The following RYK variants were observed in gnomAD, a reference collection of about 807,000 sequenced individuals.
RYK encodes the protein receptor like tyrosine kinase.
A neutral mutation model predicts 70.2 loss-of-function variants in RYK; 21 were observed. That is an observed-to-expected ratio of 0.30 (90% CI 0.21 to 0.43). The LOEUF is 0.43. Among genes scored for constraint, RYK ranks in the 20% least tolerant of loss-of-function variants. The probability of loss-of-function intolerance (pLI) is 1.00; values close to 1 mark genes in which losing one functional copy is unlikely to be tolerated. For missense variants in RYK, 604 were observed against 753.3 expected (o/e 0.80, Z 2.32); for synonymous variants, 267 against 278.0 (o/e 0.96, Z 0.39).
At position 134,250,472 on chromosome 3, in the gene RYK, C is replaced by T; in HGVS notation, c.183G>A (p.Gly61=). ...CGCTCAGGTAGAGACTCACGCTGGG[C>T]CCCGCGGAAGCCGACTGCAGCTCCG... ...RPPELQSASA[G]PSVSLYLSED... is the part of the protein sequence containing the mutation. The change falls in exon 1 of 15, where the codon GGG becomes GGA. Residue 61 remains glycine, a synonymous_variant. Transcript: ENST00000623711. 1 of 1,367,444 alleles carries T rather than the reference C, an allele frequency of 7.3e-7. No individual in the cohort carries two copies. The highest frequency in any genetic ancestry group is 9.5e-7 in the Non-Finnish European group (1 of 1,055,080). 84.7% of individuals were successfully genotyped at this position (1,367,444 alleles called of 1,614,324 possible).
chr3:134,199,983 A>G (rs13091212), intron 6 of RYK, among the ~76,000 whole-genome samples: 757 of 9,452 alleles, frequency 0.08, no homozygotes, highest in Non-Finnish European at 0.31. Flanking sequence ...ACCAATCAGC[A>G]CTCTGTAAAA....
Position 134,191,935 on chromosome 3 carries a change from C to T in RYK, c.929G>A (p.Ser310Asn), listed in dbSNP as rs1036775428. ...GCCTTTGGCCTCCAAAAGAGTGACA[C>T]TTCTCAAGTCGTTCTTCTCTATCCG... Reference protein sequence around the residue: ...TLRIEKNDLRSVTLLEAKGKV... With the variant: ...TLRIEKNDLRNVTLLEAKGKV... Residue 310 changes from serine to asparagine, a missense_variant, in exon 8 of 15, where the codon AGT becomes AAT. By Grantham distance (46) the Ser-to-Asn change is conservative (BLOSUM62 1). Around this residue, in one of 2 missense-constraint regions of RYK, gnomAD observed 466 missense variants for 535.9 expected, o/e 0.87. Coordinates refer to ENST00000623711, the MANE Select transcript of RYK (RefSeq NM_002958.4). 6.2e-7 allele frequency: 1 copy of T among 1,613,336 alleles called. No homozygotes were observed. The highest frequency in any genetic ancestry group is 8.5e-7 in the Non-Finnish European group (1 of 1,179,648).
At chr3:134,233,167 G>T (rs1191430610) in intron 1 of RYK, among the ~76,000 whole-genome samples, 2 of 152,194 alleles carry the variant, frequency 1.3e-5, no homozygotes, top group Admixed American at 6.5e-5. Flanking sequence ...ATGCTAAATG[G>T]TTTGACTGGG....
At position 134,202,886 on chromosome 3, in the gene RYK, AC is replaced by A. The variant is rs1303838253; in HGVS notation, c.644-13del. The A allele has an allele frequency of 6.2e-7, 1 of 1,607,442 alleles. No homozygotes were observed. Among genetic ancestry groups the A allele is most frequent in the African/African-American group, 1.3e-5 (1 of 74,524 alleles). ...ATGTACAGGATCATCTGAAATAAAAACAAAAAGCACATTTAGCTTTTTAAAC... is the reference window on the plus strand; with the variant it reads ...ATGTACAGGATCATCTGAAATAAAAAAAAAAGCACATTTAGCTTTTTAAAC... On this transcript the variant is annotated splice_polypyrimidine_tract_variant and intron_variant, in intron 5 of 14. Transcript: ENST00000623711.
chr3:134,213,544 G>A (rs1477852914), intron 2 of RYK, among the ~76,000 whole-genome samples: 2 of 152,028 alleles, frequency 1.3e-5, no homozygotes, highest in Non-Finnish European at 2.9e-5. Flanking sequence ...ACTGTTGCAG[G>A]CCTTCTGTTT....
chr3:134,157,208 C>A lies in RYK; in HGVS notation c.*945G>T, dbSNP rs1029595938. 1 of 152,420 alleles carries A rather than the reference C, an allele frequency of 6.6e-6. No homozygotes were observed. The highest frequency in any genetic ancestry group is 1.5e-5 in the Non-Finnish European group (1 of 67,988). The allele number at this position is 152,420 out of a possible 1,614,324, so 9.4% of individuals were successfully genotyped here. On this transcript the variant is annotated 3_prime_UTR_variant, in exon 15 of 15. Coordinates refer to ENST00000623711, the MANE Select transcript of RYK (RefSeq NM_002958.4). Reference sequence around the variant, plus strand: ...TACTTAAGCCAGCCTTGAAGATAAGCACAAAATTTACCAGTTTACATTTAA... The same window carrying A: ...TACTTAAGCCAGCCTTGAAGATAAGAACAAAATTTACCAGTTTACATTTAA...
intron 1 of RYK, among the ~76,000 whole-genome samples, chr3:134,225,677 C>G (rs2014886001): frequency 6.6e-6 from 1 of 152,030 alleles, no homozygotes; most frequent in Non-Finnish European, 1.5e-5. Context: ...AACACAGCAA[C>G]AACCCATCTC....
intron 13 of RYK, among the ~76,000 whole-genome samples, chr3:134,174,878 TAGA>T (rs2013043453): frequency 6.6e-6 from 1 of 152,140 alleles, no homozygotes; most frequent in Admixed American, 6.5e-5. Context: ...CCATAACACT[TAGA>T]AGAGGTCACC....
At chr3:134,228,016 A>G (rs2014956070) in intron 1 of RYK, among the ~76,000 whole-genome samples, 1 of 152,236 alleles carries the variant, frequency 6.6e-6, no homozygotes. Context: ...AAGGCCAGGT[A>G]CAGTGGCTCA....
In RYK at chr3:134,238,534, G is replaced by A. The variant is rs1277330576; in HGVS notation, c.232+11889C>T. 2.0e-5 allele frequency among the ~76,000 whole-genome samples: 3 copies of A among 152,126 alleles called. No homozygotes were observed. The East Asian group carries it at 5.8e-4, about 29-fold the overall frequency. ...AAGCCTACCCTTTTGGTCCTGATAG[G>A]TGGTTTAGAAATCAGCTTCAAGAAG... is the stretch of plus-strand genomic sequence containing the variant. On this transcript the variant is annotated intron_variant, in intron 1 of 14. Transcript: ENST00000623711.
chr3:134,191,870 G>C lies in RYK; in HGVS notation c.994C>G (p.Leu332Val), dbSNP rs759001453. 1 of 1,610,976 alleles carries C rather than the reference G, an allele frequency of 6.2e-7. No homozygotes were observed. The highest frequency in any genetic ancestry group is 2.2e-5 in the East Asian group (1 of 44,740). Residue 332 changes from leucine to valine, a missense_variant, in exon 8 of 15, where the codon CTA becomes GTA. Physicochemically the swap from Leu to Val is conservative, Grantham distance 32. Around this residue, in one of 2 missense-constraint regions of RYK, gnomAD observed 466 missense variants for 535.9 expected, o/e 0.87. Coordinates refer to ENST00000623711, the MANE Select transcript of RYK (RefSeq NM_002958.4). ...DIAISRERIT[L>V]KDVLQEGTFG... The stretch of plus-strand genomic sequence containing the variant: ...ATACCTTCTTGGAGTACATCTTTTA[G>C]AGTTATCCTCTCTCTGGATATTGCT...
chr3:134,187,750 G>A (rs1046099626), intron 9 of RYK, among the ~76,000 whole-genome samples: 5 of 150,520 alleles, frequency 3.3e-5, no homozygotes, highest in Non-Finnish European at 7.4e-5. Context: ...TAGAGACGGG[G>A]GGTCTTGCTA....
chr3:134,175,579 C>A (rs1272277708), intron 13 of RYK, 30 bp downstream of exon 13: 8 of 1,598,080 alleles, frequency 5.0e-6, no homozygotes, highest in Middle Eastern at 1.9e-4. Flanking sequence ...TTTCTCTATT[C>A]TTTTGCTATC....
intron 6 of RYK, among the ~76,000 whole-genome samples, chr3:134,198,099 A>G (rs1432368153): frequency 1.3e-5 from 2 of 152,222 alleles, no homozygotes; most frequent in African/African-American, 4.8e-5. Flanking sequence ...CAACACCTAC[A>G]TAGCTATATC....
chr3:134,213,596 A>G (rs988253489), intron 2 of RYK, among the ~76,000 whole-genome samples: 1 of 152,020 alleles, frequency 6.6e-6, no homozygotes, highest in African/African-American at 2.4e-5. Flanking sequence ...ACAGCCTCCT[A>G]CACTCTCTGC....
At chr3:134,201,698 G>A (rs1445721408) in intron 6 of RYK, among the ~76,000 whole-genome samples, 1 of 152,186 alleles carries the variant, frequency 6.6e-6, no homozygotes, top group African/African-American at 2.4e-5. Context: ...GTCCTGAAGG[G>A]CAAAGTGTGG....
intron 9 of RYK, among the ~76,000 whole-genome samples, chr3:134,184,881 C>T (rs1174686224): frequency 6.8e-6 from 1 of 146,410 alleles, no homozygotes; most frequent in African/African-American, 2.5e-5. Context: ...AAACCCATAA[C>T]GAATTTTTAC....
intron 3 of RYK, among the ~76,000 whole-genome samples, chr3:134,210,921 T>C (rs1169512083): frequency 6.6e-6 from 1 of 151,620 alleles, no homozygotes; most frequent in Non-Finnish European, 1.5e-5. Flanking sequence ...ATGAGTAGGA[T>C]GAATAGAAAG....
intron 13 of RYK, among the ~76,000 whole-genome samples, chr3:134,169,744 G>C (rs1485270365): frequency 5.3e-5 from 8 of 152,132 alleles, no homozygotes; most frequent in Non-Finnish European, 8.8e-5. Context: ...AAAATGTTAA[G>C]GATGTCTTAA....
Sources: gnomAD v4.1 joint callset for allele counts (sites outside exome capture counted in the v4.1 genomes callset) on GRCh38, gnomAD v4.1.1 for gene constraint, gnomAD v4.1.1 regional missense constraint, MANE v1.5 for transcripts, NCBI Gene and HGNC (gene_info 2026-07-23, HGNC 2026-07-21) for gene names.